Variants in RGS8 observed in about 807,000 individuals in gnomAD.
RGS8 encodes regulator of G-protein signaling 8.
In RGS8, 8 loss-of-function variants were observed where a neutral mutation model predicts 21.7. The ratio of observed to expected loss-of-function variants is 0.37; its 90% CI spans 0.22 to 0.66. RGS8 has a LOEUF of 0.66. Among genes scored for constraint, RGS8 ranks in the 30% least tolerant of loss-of-function variants. The probability of loss-of-function intolerance (pLI) is 0.59; values close to 1 mark genes in which losing one functional copy is unlikely to be tolerated. For missense variants in RGS8, 157 were observed against 217.9 expected (o/e 0.72, Z 1.76); for synonymous variants, 80 against 83.6 (o/e 0.96, Z 0.24).
chr1:182,646,891 T>C, exon 7 of RGS8: 2 of 1,614,014 alleles, frequency 1.2e-6, no homozygotes, highest in Non-Finnish European at 1.7e-6. Context: ...TCCTCGTGGC[T>C]TCTCGGGTCT....
intron 1 of RGS8, among the ~76,000 whole-genome samples, chr1:182,681,348 G>A (rs1239955218): frequency 6.6e-6 from 1 of 152,184 alleles, no homozygotes; most frequent in Non-Finnish European, 1.5e-5. Context: ...AGTAACAAAA[G>A]CTTTACCATT....
chr1:182,725,707 G>A, the RGS8 span, among the ~76,000 whole-genome samples: 1 of 152,310 alleles, frequency 6.6e-6, no homozygotes, highest in African/African-American at 2.4e-5. Context: ...GGTATTTTTG[G>A]TATTCAAGAA....
intron 3 of RGS8, among the ~76,000 whole-genome samples, chr1:182,669,278 T>C (rs1388280216): frequency 1.3e-5 from 2 of 152,252 alleles, no homozygotes; most frequent in African/African-American, 4.8e-5. Context: ...TTCCCTCATC[T>C]TTCTCCTTTC....
chr1:182,660,652 C>T (rs925612992), intron 5 of RGS8, among the ~76,000 whole-genome samples: 3 of 149,384 alleles, frequency 2.0e-5, no homozygotes, highest in African/African-American at 4.9e-5. Flanking sequence ...TGGAAAGCTT[C>T]CATACGAGAT....
chr1:182,660,979 C>T (rs1025139821), intron 5 of RGS8, among the ~76,000 whole-genome samples: 24 of 151,718 alleles, frequency 1.6e-4, no homozygotes, highest in Non-Finnish European at 8.8e-5. Context: ...GGGAGGGCTG[C>T]GCAGTGAATG....
chr1:182,649,922 T>G (rs983668348), intron 5 of RGS8, among the ~76,000 whole-genome samples: 38 of 150,652 alleles, frequency 2.5e-4, no homozygotes, highest in South Asian at 1.9e-3. Flanking sequence ...TTTTTTTTTT[T>G]GGGTGGGGGG....
At position 182,669,101 on chromosome 1, in the gene RGS8, A is replaced by G. The variant is rs189101165; in HGVS notation, c.26+523T>C. Among the ~76,000 whole-genome samples the G allele has an allele frequency of 8.5e-5, 13 of 152,360 alleles. No individual in the cohort carries two copies. The East Asian group carries it at 2.5e-3, about 29-fold the overall frequency. On this transcript the variant is annotated intron_variant, in intron 3 of 6. Transcript: ENST00000483095. ...TACCAAGACAACTGTGATTCTCCCAAATAGTTTGCAAAAATCTTCAACAAA... is the reference window on the plus strand; with the variant it reads ...TACCAAGACAACTGTGATTCTCCCAGATAGTTTGCAAAAATCTTCAACAAA...
At chr1:182,722,986 A>C in the RGS8 span, among the ~76,000 whole-genome samples, 6 of 151,668 alleles carry the variant, frequency 4.0e-5, no homozygotes, top group Non-Finnish European at 7.4e-5. Context: ...TCAAAAATAA[A>C]TAAATAAATA....
chr1:182,680,008 G>C (rs1664490208), intron 1 of RGS8, among the ~76,000 whole-genome samples: 1 of 152,038 alleles, frequency 6.6e-6, no homozygotes, highest in African/African-American at 2.4e-5. Context: ...ATCTTTCATA[G>C]TTTTCAAATC....
chr1:182,691,607 TAAAAAAAA>T, the RGS8 span, among the ~76,000 whole-genome samples: 5 of 27,228 alleles, frequency 1.8e-4, no homozygotes, highest in Admixed American at 1.9e-3. Flanking sequence ...CCCTTCATGT[TAAAAAAAA>T]AAAAAAAAAA....
chr1:182,691,765 A>G, the RGS8 span, among the ~76,000 whole-genome samples: 1 of 152,126 alleles, frequency 6.6e-6, no homozygotes, highest in Non-Finnish European at 1.5e-5. Flanking sequence ...GAACAAGACA[A>G]TGATGCCCGC....
intron 3 of RGS8, among the ~76,000 whole-genome samples, chr1:182,668,733 T>C (rs928076389): frequency 6.6e-6 from 1 of 152,222 alleles, no homozygotes; most frequent in African/African-American, 2.4e-5. Context: ...TTTCCAAACA[T>C]TGGCTACTGC....
At chr1:182,648,039 A>G in intron 6 of RGS8, 98 bp downstream of exon 7, 1 of 1,134,790 alleles carries the variant, frequency 8.8e-7, no homozygotes, top group Non-Finnish European at 1.2e-6. Context: ...AGTTTAGTAT[A>G]AGAAAGTCCT....
chr1:182,694,573 G>A, the RGS8 span, among the ~76,000 whole-genome samples: 4 of 152,176 alleles, frequency 2.6e-5, no homozygotes, highest in East Asian at 1.9e-4. Context: ...TTGGGAGGCC[G>A]AGGTGGGAAG....
intron 5 of RGS8, among the ~76,000 whole-genome samples, chr1:182,657,641 C>A (rs1258641534): frequency 6.6e-6 from 1 of 152,120 alleles, no homozygotes; most frequent in East Asian, 1.9e-4. Context: ...ATGGCTCTAA[C>A]CCACACCAGC....
downstream of RGS8, chr1:182,643,337 G>A (rs557969198): frequency 7.9e-4 from 12 of 15,120 alleles, no homozygotes; most frequent in East Asian, 7.9e-3. Context: ...CCCCGCCCCC[G>A]CGCTGTGTTC....
chr1:182,666,452 C>T (rs1663864479), intron 4 of RGS8, among the ~76,000 whole-genome samples: 1 of 152,182 alleles, frequency 6.6e-6, no homozygotes, highest in African/African-American at 2.4e-5. Context: ...GTGAGGGTCA[C>T]ACAAGGTAAC....
chr1:182,671,978 G>A (rs536595829), upstream of RGS8: 42 of 1,278,676 alleles, frequency 3.3e-5, no homozygotes, highest in South Asian at 1.7e-4. Flanking sequence ...CAGTCTGCAC[G>A]CCCATCCTCA....
the RGS8 span, among the ~76,000 whole-genome samples, chr1:182,729,905 T>C: frequency 2.0e-5 from 3 of 152,160 alleles, no homozygotes; most frequent in South Asian, 4.1e-4. Context: ...TTAGGGCACA[T>C]ATGCAAAGGA....
Sources: gnomAD v4.1 joint callset for allele counts (sites outside exome capture counted in the v4.1 genomes callset) on GRCh38, gnomAD v4.1.1 for gene constraint, MANE v1.5 for transcripts, NCBI Gene and HGNC (gene_info 2026-07-23, HGNC 2026-07-21) for gene names.